The following TMC4 variants were observed in gnomAD, a reference collection of about 807,000 sequenced individuals.
The protein encoded by TMC4 is voltage-gated chloride channel TMC4.
Under a neutral mutation model 82.0 loss-of-function variants are expected in TMC4, and 70 were observed. That is an observed-to-expected ratio of 0.85 (90% CI 0.70 to 1.04). The LOEUF (loss-of-function observed/expected upper bound fraction) is 1.04. TMC4 is among the 50% of genes least tolerant of loss of function. The pLI, the probability that TMC4 is intolerant of heterozygous loss-of-function variation, is 0.00. For missense variants in TMC4, 879 were observed against 899.0 expected (o/e 0.98, Z 0.28); for synonymous variants, 446 against 406.0 (o/e 1.10, Z -1.18).
chr19:54,163,528 G>A (rs938155072), intron 8 of TMC4, 196 bp downstream of exon 8: 4 of 672,376 alleles, frequency 5.9e-6, no homozygotes, highest in African/African-American at 3.6e-5. Flanking sequence ...GGCTGGTCTC[G>A]AACTCCTGAC....
At chr19:54,163,580 G>A in intron 8 of TMC4, 144 bp downstream of exon 8, 2 of 1,003,820 alleles carry the variant, frequency 2.0e-6, no homozygotes, top group Non-Finnish European at 3.1e-6. Flanking sequence ...ACAGGTGTGA[G>A]CCACTGCACC....
rs748370108 is a variant in TMC4, at chr19:54,165,401, C to T, written c.945+18G>A. ...GTCTGGTCCCTACCCAGTTGCAGAC[C>T]CCGCTCCCTAATCGCACCTTTAATT... On this transcript the variant is annotated intron_variant, in intron 6 of 14. Transcript: ENST00000619895. 4 of 1,582,606 alleles carry T rather than the reference C, an allele frequency of 2.5e-6. No homozygotes were observed. In the Admixed American group the frequency reaches 5.1e-5, roughly 20 times the overall value.
chr19:54,160,581 G>T, intron 13 of TMC4, 36 bp from the exon 14 acceptor site: 1 of 1,613,788 alleles, frequency 6.2e-7, no homozygotes, highest in Non-Finnish European at 8.5e-7. Flanking sequence ...CTCCTGACAC[G>T]CTCTTCCATT....
chr19:54,160,116 C>T lies in TMC4; in HGVS notation c.*190G>A, dbSNP rs1479594140. The T allele has an allele frequency of 5.0e-6, 3 of 598,148 alleles. No individual in the cohort carries two copies. The highest frequency in any genetic ancestry group is 3.8e-5 in the African/African-American group (2 of 52,814). 37.1% of individuals were successfully genotyped at this position (598,148 alleles called of 1,614,324 possible). A position where few individuals can be genotyped will look rare whatever the true frequency, so the allele number is the denominator to read the frequency against. ...CAGATTTCAAAGCGCGCTCAGCAAC[C>T]TCGGCTGTATTTATTGATACAAGGA... is the stretch of plus-strand genomic sequence containing the variant. On this transcript the variant is annotated 3_prime_UTR_variant, in exon 15 of 15. Coordinates refer to ENST00000619895, the MANE Select transcript of TMC4 (RefSeq NM_144686.4).
chr19:54,160,468 GTCTC>G lies in TMC4; in HGVS notation c.2047_2050del (p.Glu683ArgfsTer16), dbSNP rs1186842628. On this transcript the variant is annotated frameshift_variant and splice_region_variant, in exon 14 of 15. Coordinates refer to ENST00000619895, the MANE Select transcript of TMC4 (RefSeq NM_144686.4). LOFTEE classifies it high-confidence loss of function. ...CTCTCAGGGACCCGCCTGGCTCACC[GTCTC>G]TCTCTGACGTTTGAGCTCAGAGATG... 6.2e-7 allele frequency: 1 copy of G among 1,613,548 alleles called. No individual in the cohort carries two copies. The highest frequency in any genetic ancestry group is 8.5e-7 in the Non-Finnish European group (1 of 1,179,638).
In TMC4 at chr19:54,162,264, A is replaced by G. The variant is rs375869770; in HGVS notation, c.1524T>C (p.Pro508=). The G allele has an allele frequency of 1.0e-5, 16 of 1,598,152 alleles. No individual in the cohort carries two copies. The highest frequency in any genetic ancestry group is 1.4e-5 in the Non-Finnish European group (16 of 1,173,792). The stretch of plus-strand genomic sequence containing the variant: ...TCCCCGCCAGACGACCCAGCGCCCC[A>G]GGACAGAGGCCACAGAGGAGCCTGA... The part of the protein sequence containing the change: ...FPRKLLCGLC[P]GALGRLAGTQ... The change falls in exon 11 of 15, where the codon CCT becomes CCC. Residue 508 remains proline, a synonymous_variant. Coordinates refer to ENST00000619895, the MANE Select transcript of TMC4 (RefSeq NM_144686.4).
At chr19:54,167,244 CAG>C (rs1393244199) in intron 5 of TMC4, among the ~76,000 whole-genome samples, 3 of 152,034 alleles carry the variant, frequency 2.0e-5, no homozygotes, top group Non-Finnish European at 2.9e-5. Context: ...AGCCGGGTGA[CAG>C]AGTGAGACCC....
In TMC4 at chr19:54,170,862, AGATAGC is replaced by A. The variant is rs1255041343; in HGVS notation, c.293+1002_293+1007del. On this transcript the variant is annotated intron_variant, in intron 2 of 14. Coordinates refer to ENST00000619895, the MANE Select transcript of TMC4 (RefSeq NM_144686.4). The stretch of plus-strand genomic sequence containing the variant: ...ACCCGGTACAAGGTAAATGTTATAT[AGATAGC>A]TGTTCTTTTAACTTGTATTATTTTT... Among the ~76,000 whole-genome samples the A allele has an allele frequency of 2.0e-5, 3 of 152,156 alleles. No homozygotes were observed. The South Asian group carries it at 6.2e-4, about 32-fold the overall frequency.
At chr19:54,166,090 G>C (rs1313404227) in intron 5 of TMC4, among the ~76,000 whole-genome samples, 1 of 152,030 alleles carries the variant, frequency 6.6e-6, no homozygotes, top group African/African-American at 2.4e-5. Flanking sequence ...ACTCAAGAGA[G>C]GGGGCAGGCC....
In TMC4 at chr19:54,163,236, C is replaced by G. The variant is rs548700822; in HGVS notation, c.1278-77G>C. On this transcript the variant is annotated intron_variant, in intron 8 of 14. Transcript: ENST00000619895. ...CAGTTCCCTTCTCAGTGGAACGCGC[C>G]CGCATTCAACCCATCTCACAGATGA... The G allele has an allele frequency of 4.4e-5, 68 of 1,551,696 alleles. No individual in the cohort carries two copies. In the East Asian group the frequency reaches 1.4e-3, roughly 32 times the overall value.
At chr19:54,168,397 G>A (rs2146902305) in intron 4 of TMC4, 51 bp downstream of exon 4, 2 of 1,518,726 alleles carry the variant, frequency 1.3e-6, no homozygotes, top group Non-Finnish European at 1.8e-6. Context: ...GTCATTGAAG[G>A]CACTGGGGTC....
rs2075685526 is a variant in TMC4, at chr19:54,165,632, C to A, written c.798-66G>T. 6 of 1,534,018 alleles carry A rather than the reference C, an allele frequency of 3.9e-6. No homozygotes were observed. In the African/African-American group the frequency reaches 5.5e-5, roughly 14 times the overall value. ...CCAGGAACGGGGGTTATGGGGAGAC[C>A]CCTCATATTGGGACAAATGGGGAAG... On this transcript the variant is annotated intron_variant, in intron 5 of 14. Transcript: ENST00000619895.
chr19:54,160,468 G>C lies in TMC4; in HGVS notation c.2051C>G (p.Thr684Arg), dbSNP rs2075513925. The C allele has an allele frequency of 6.2e-7, 1 of 1,613,548 alleles. No individual in the cohort carries two copies. The highest frequency in any genetic ancestry group is 8.5e-7 in the Non-Finnish European group (1 of 1,179,638). The change falls in exon 14 of 15, where the codon ACG (threonine) becomes AGG (arginine). Residue 684 changes from threonine to arginine, a missense_variant and splice_region_variant. Coordinates refer to ENST00000619895, the MANE Select transcript of TMC4 (RefSeq NM_144686.4). The part of the protein sequence containing the change: ...LISELKRQRE[T>R]EAQNKVFLAR... ...CTCTCAGGGACCCGCCTGGCTCACC[G>C]TCTCTCTCTGACGTTTGAGCTCAGA...
At chr19:54,165,763 TCA>T (rs1021656592) in intron 5 of TMC4, among the ~76,000 whole-genome samples, 197 bp from the exon 6 acceptor site, 1 of 151,684 alleles carries the variant, frequency 6.6e-6, no homozygotes. Context: ...CAAGGGAGAT[TCA>T]GAGACAGTTC....
At chr19:54,163,970 T>G in intron 7 of TMC4, 83 bp from the exon 8 acceptor site, 1 of 1,349,218 alleles carries the variant, frequency 7.4e-7, no homozygotes, top group Admixed American at 2.9e-5. Flanking sequence ...CTCTTCTTCT[T>G]CTTCTTCTTT....
chr19:54,164,682 G>T (rs750238880), intron 6 of TMC4, 81 bp from the exon 7 acceptor site: 2 of 1,567,568 alleles, frequency 1.3e-6, no homozygotes, highest in Middle Eastern at 3.4e-4. Flanking sequence ...GCTCTCCAGA[G>T]ATCCTCCTTA....
At chr19:54,162,794 G>A (rs1433550164) in intron 9 of TMC4, 24 bp from the exon 10 acceptor site, 5 of 1,607,688 alleles carry the variant, frequency 3.1e-6, no homozygotes, top group Non-Finnish European at 1.7e-6. Context: ...AAATATATCA[G>A]AAAGAACTCG....
intron 10 of TMC4, 101 bp from the exon 11 acceptor site, chr19:54,162,386 T>TTGGGGGG (rs2075582323): frequency 3.0e-6 from 1 of 338,034 alleles, no homozygotes; most frequent in Admixed American, 6.2e-5. Context: ...TGCGTATTGG[T>TTGGGGGG]GGTGGGGGGG....
Position 54,160,987 on chromosome 19 carries a change from T to C in TMC4, c.1864A>G (p.Ile622Val), listed in dbSNP as rs1180909113. 1.2e-6 allele frequency: 2 copies of C among 1,614,120 alleles called. No homozygotes were observed. The highest frequency in any genetic ancestry group is 8.5e-7 in the Non-Finnish European group (1 of 1,180,016). ...ATAGACTCAGGGATCTGGGCCCAGA[T>C]GGACGACTGCCCCCGGAATGGACCA... ...LCGPFRGQSS[I>V]WAQIPESISS... is the part of the protein sequence containing the mutation. Residue 622 changes from isoleucine (I) to valine (V), a missense_variant, in exon 13 of 15, where the codon ATC becomes GTC. Coordinates refer to ENST00000619895, the MANE Select transcript of TMC4 (RefSeq NM_144686.4).
Sources: gnomAD v4.1 joint callset for allele counts (sites outside exome capture counted in the v4.1 genomes callset) on GRCh38, gnomAD v4.1.1 for gene constraint, MANE v1.5 for transcripts, NCBI Gene and HGNC (gene_info 2026-07-23, HGNC 2026-07-21) for gene names.